Variants in PCDH15 observed in about 807,000 individuals in gnomAD.
PCDH15 encodes protocadherin-15.
A neutral mutation model predicts 178.5 loss-of-function variants in PCDH15; 129 were observed. The ratio of observed to expected loss-of-function variants is 0.72; its 90% CI spans 0.63 to 0.84. The LOEUF (loss-of-function observed/expected upper bound fraction) is 0.84. Among genes scored for constraint, PCDH15 ranks in the 40% least tolerant of loss-of-function variants. The probability of loss-of-function intolerance (pLI) is 0.00; values close to 1 mark genes in which losing one functional copy is unlikely to be tolerated. For missense variants in PCDH15, 2,230 were observed against 2,099.9 expected (o/e 1.06, Z -1.21); for synonymous variants, 800 against 732.0 (o/e 1.09, Z -1.50).
At chr10:54,047,299 G>C (rs1049354753) in intron 18 of PCDH15, among the ~76,000 whole-genome samples, 4 of 150,882 alleles carry the variant, frequency 2.7e-5, no homozygotes, top group Non-Finnish European at 5.9e-5. Context: ...TGGGTAAAGA[G>C]ATGTGCTATT....
At chr10:53,948,344 T>C (rs2086745974) in intron 23 of PCDH15, among the ~76,000 whole-genome samples, 1 of 152,204 alleles carries the variant, frequency 6.6e-6, no homozygotes, top group Non-Finnish European at 1.5e-5. Flanking sequence ...AGACCGAGTG[T>C]ACAGGTAATC....
At chr10:55,619,600 T>C (rs1453251490) in intron 2 of PCDH15, among the ~76,000 whole-genome samples, 1 of 152,026 alleles carries the variant, frequency 6.6e-6, no homozygotes, top group Non-Finnish European at 1.5e-5. Flanking sequence ...GTTACGAGAA[T>C]CAAATTAGTT....
intron 2 of PCDH15, among the ~76,000 whole-genome samples, chr10:55,408,340 C>A (rs1330286647): frequency 1.3e-5 from 2 of 151,922 alleles, no homozygotes; most frequent in Non-Finnish European, 2.9e-5. Flanking sequence ...CACCTGCCAC[C>A]ACGCCCTACT....
At chr10:55,240,845 C>G (rs1460350139) in intron 1 of PCDH15, among the ~76,000 whole-genome samples, 1 of 152,124 alleles carries the variant, frequency 6.6e-6, no homozygotes, top group Non-Finnish European at 1.5e-5. Flanking sequence ...GTGACACATT[C>G]AAAATTATAG....
At chr10:54,530,174 CCTCA>C (rs1300433440) in intron 2 of PCDH15, among the ~76,000 whole-genome samples, 6 of 152,234 alleles carry the variant, frequency 3.9e-5, no homozygotes, top group African/African-American at 1.4e-4. Flanking sequence ...TCCAGCCCTT[CCTCA>C]CTCTCCGCCT....
intron 3 of PCDH15, among the ~76,000 whole-genome samples, chr10:54,888,153 G>A (rs1445638829): frequency 6.6e-6 from 1 of 152,098 alleles, no homozygotes; most frequent in Non-Finnish European, 1.5e-5. Flanking sequence ...ATCACCCCCA[G>A]AAGTTTCCTC....
intron 2 of PCDH15, among the ~76,000 whole-genome samples, chr10:55,158,483 C>T (rs1359435786): frequency 6.6e-6 from 1 of 151,894 alleles, no homozygotes; most frequent in Non-Finnish European, 1.5e-5. Flanking sequence ...TTATTTCAGC[C>T]ATTGATTATA....
intron 2 of PCDH15, among the ~76,000 whole-genome samples, chr10:54,920,978 C>A (rs1837471771): frequency 6.6e-6 from 1 of 152,144 alleles, no homozygotes; most frequent in African/African-American, 2.4e-5. Flanking sequence ...TACTGCCTGC[C>A]AATGAAGCCC....
chr10:54,112,620 C>G (rs2095046506), intron 15 of PCDH15, among the ~76,000 whole-genome samples: 1 of 152,074 alleles, frequency 6.6e-6, no homozygotes, highest in Admixed American at 6.6e-5. Flanking sequence ...TACAGTCCTC[C>G]CCTGCTCTGA....
chr10:54,379,721 AT>A (rs961850412), intron 3 of PCDH15, among the ~76,000 whole-genome samples: 1 of 151,922 alleles, frequency 6.6e-6, no homozygotes. Context: ...CTCAAATACC[AT>A]TTTTCCCTCA....
intron 2 of PCDH15, among the ~76,000 whole-genome samples, chr10:54,646,904 C>T (rs2094141477): frequency 6.6e-6 from 1 of 151,926 alleles, no homozygotes. Flanking sequence ...CAATATGGTG[C>T]AGCTGCTATG....
intron 6 of PCDH15, among the ~76,000 whole-genome samples, chr10:54,335,581 T>C (rs1940915336): frequency 2.0e-5 from 3 of 152,334 alleles, no homozygotes; most frequent in South Asian, 4.1e-4. Flanking sequence ...CTGATGCTTT[T>C]ATAAAGGGAA....
intron 2 of PCDH15, among the ~76,000 whole-genome samples, chr10:55,593,873 G>A (rs1012784755): frequency 2.0e-5 from 3 of 151,808 alleles, no homozygotes; most frequent in African/African-American, 7.2e-5. Context: ...AGATCTGGAT[G>A]ATTGAATTGT....
chr10:54,099,325 C>T (rs753190296), intron 15 of PCDH15, among the ~76,000 whole-genome samples: 7 of 150,242 alleles, frequency 4.7e-5, no homozygotes, highest in Non-Finnish European at 1.0e-4. Context: ...ATGGTGAAAC[C>T]CCATCTCTAC....
chr10:53,866,500 G>C (rs1223527611), intron 27 of PCDH15, 142 bp downstream of exon 27: 5 of 592,050 alleles, frequency 8.4e-6, no homozygotes, highest in Non-Finnish European at 1.5e-5. Flanking sequence ...CTAAACTATA[G>C]TGACTAACAA....
chr10:54,245,966 G>T (rs1360066037), intron 8 of PCDH15, among the ~76,000 whole-genome samples: 6 of 151,832 alleles, frequency 4.0e-5, no homozygotes, highest in Non-Finnish European at 8.8e-5. Flanking sequence ...ACAGTCTGAT[G>T]AATTATCACA....
chr10:55,432,082 A>AACACACACACACACACACACACACAC (rs58866288), intron 2 of PCDH15, among the ~76,000 whole-genome samples: 1 of 148,402 alleles, frequency 6.7e-6, no homozygotes, highest in Non-Finnish European at 1.5e-5. Context: ...CTATCATTTA[A>AACACACACACACACACACACACACAC]ACACACACAC....
chr10:54,704,214 A>G (rs971109190), intron 1 of PCDH15, among the ~76,000 whole-genome samples: 3 of 152,152 alleles, frequency 2.0e-5, no homozygotes, highest in African/African-American at 7.2e-5. Flanking sequence ...GAAGATGCCA[A>G]AAGCAATTGC....
chr10:55,600,213 A>C (rs1843043867), intron 2 of PCDH15, among the ~76,000 whole-genome samples: 1 of 151,876 alleles, frequency 6.6e-6, no homozygotes, highest in African/African-American at 2.4e-5. Context: ...AAATACAAAA[A>C]ATTAGCCGGG....
Sources: allele counts gnomAD v4.1 joint callset (sites outside exome capture counted in the v4.1 genomes callset), GRCh38; gene constraint gnomAD v4.1.1; transcripts MANE v1.5; gene names NCBI Gene and HGNC (gene_info 2026-07-23, HGNC 2026-07-21).